MLLT10: variants seen among roughly 807,000 people sequenced by gnomAD.
The protein encoded by MLLT10 is protein AF-10.
In MLLT10, 30 loss-of-function variants were observed where a neutral mutation model predicts 129.1. The ratio of observed to expected loss-of-function variants is 0.23; its 90% CI spans 0.17 to 0.32. The LOEUF (loss-of-function observed/expected upper bound fraction) is 0.32. Among genes scored for constraint, MLLT10 ranks in the 10% least tolerant of loss-of-function variants. The pLI, the probability that MLLT10 is intolerant of heterozygous loss-of-function variation, is 1.00. For synonymous variants in MLLT10, 490 were observed against 446.4 expected (o/e 1.10, Z -1.23); for missense variants, 1,119 against 1,268.3 (o/e 0.88, Z 1.79).
In MLLT10 at chr10:21,742,323, G is replaced by A. The variant is rs1833784312; in HGVS notation, c.*340G>A. On this transcript the variant is annotated 3_prime_UTR_variant, in exon 23 of 23. Transcript: ENST00000307729. ...ACACAACTAGTTTTGTTTATAAATTGGAGATGCAAATAGCAAAACTAAATA... is the reference window on the plus strand; with the variant it reads ...ACACAACTAGTTTTGTTTATAAATTAGAGATGCAAATAGCAAAACTAAATA... The A allele has an allele frequency of 3.8e-6, 1 of 265,344 alleles. No homozygotes were observed. Among genetic ancestry groups the A allele is most frequent in the Admixed American group, 5.3e-5 (1 of 18,800 alleles). The allele number at this position is 265,344 out of a possible 1,614,324, so 16.4% of individuals were successfully genotyped here.
intron 14 of MLLT10, among the ~76,000 whole-genome samples, chr10:21,723,244 C>T (rs978911008): frequency 3.3e-5 from 5 of 151,856 alleles, no homozygotes; most frequent in Admixed American, 2.6e-4. Flanking sequence ...ATATATAGAT[C>T]TAATAGATAG....
In MLLT10 at chr10:21,742,288, T is replaced by C; in HGVS notation, c.*305T>C. 1 of 314,452 alleles carries C rather than the reference T, an allele frequency of 3.2e-6. No homozygotes were observed. The highest frequency in any genetic ancestry group is 5.8e-6 in the Non-Finnish European group (1 of 172,168). 19.5% of individuals were successfully genotyped at this position (314,452 alleles called of 1,614,324 possible). A position where few individuals can be genotyped will look rare whatever the true frequency, so the allele number is the denominator to read the frequency against. ...TATGTTTATCAACTCAAGAATTTAA[T>C]ATAGTTGGTACACAACTAGTTTTGT... is the stretch of plus-strand genomic sequence containing the variant. On this transcript the variant is annotated 3_prime_UTR_variant, in exon 23 of 23. Coordinates refer to ENST00000307729, the MANE Select transcript of MLLT10 (RefSeq NM_001195626.3).
At chr10:21,583,429 A>G (rs2041671242) in intron 3 of MLLT10, among the ~76,000 whole-genome samples, 1 of 152,134 alleles carries the variant, frequency 6.6e-6, no homozygotes, top group Admixed American at 6.6e-5. Flanking sequence ...GTAATAGGAA[A>G]ATCAGGAGAG....
intron 3 of MLLT10, among the ~76,000 whole-genome samples, chr10:21,568,141 T>C (rs2039804655): frequency 1.3e-5 from 2 of 152,092 alleles, no homozygotes; most frequent in African/African-American, 4.8e-5. Flanking sequence ...TTTTATTTGG[T>C]CAGTGCCCAT....
intron 5 of MLLT10, among the ~76,000 whole-genome samples, chr10:21,599,363 G>C (rs1293398566): frequency 6.6e-6 from 1 of 152,016 alleles, no homozygotes; most frequent in South Asian, 2.1e-4. Flanking sequence ...AGAACAAGCT[G>C]TGAGGTCACA....
chr10:21,692,412 C>G (rs2053955251), intron 13 of MLLT10, among the ~76,000 whole-genome samples: 1 of 152,018 alleles, frequency 6.6e-6, no homozygotes, highest in South Asian at 2.1e-4. Context: ...TCACGTGATC[C>G]TCCCGCCTCA....
rs540320367 is a variant in MLLT10 at position 21,554,079 on chromosome 10, G to A, written c.240+15167G>A. Among the ~76,000 whole-genome samples the A allele has an allele frequency of 1.2e-3, 189 of 152,268 alleles. 1 individual carries two copies. The highest frequency in any genetic ancestry group is 4.4e-3 in the African/African-American group (181 of 41,564). On this transcript the variant is annotated intron_variant, in intron 3 of 22. Coordinates refer to ENST00000307729, the MANE Select transcript of MLLT10 (RefSeq NM_001195626.3). ...TACTCATTGTACTAGGTACACAGTG[G>A]TCCTTTTGATTTGTTAGCTCCTGTT...
At chr10:21,605,067 T>C (rs1480984479) in intron 5 of MLLT10, among the ~76,000 whole-genome samples, 1 of 149,196 alleles carries the variant, frequency 6.7e-6, no homozygotes, top group Non-Finnish European at 1.5e-5. Context: ...CTAGGCAACA[T>C]AGTGAGACCC....
intron 10 of MLLT10, among the ~76,000 whole-genome samples, chr10:21,673,137 C>T (rs1226802532): frequency 6.6e-6 from 1 of 151,940 alleles, no homozygotes; most frequent in Admixed American, 6.6e-5. Context: ...CATTTAATAC[C>T]ATCTATAAAA....
intron 8 of MLLT10, among the ~76,000 whole-genome samples, chr10:21,649,542 C>G (rs999960510): frequency 6.6e-6 from 1 of 152,180 alleles, no homozygotes; most frequent in Non-Finnish European, 1.5e-5. Context: ...TGGTATCTGT[C>G]GGGTTTACTC....
intron 3 of MLLT10, among the ~76,000 whole-genome samples, chr10:21,554,016 C>T (rs1357925728): frequency 2.0e-5 from 3 of 152,106 alleles, no homozygotes; most frequent in Non-Finnish European, 4.4e-5. Flanking sequence ...TTCTCTTTAA[C>T]CTGGTTATTC....
At chr10:21,534,121 A>C, upstream of MLLT10, 32 of 273,024 alleles carry the variant, frequency 1.2e-4, no homozygotes, top group South Asian at 1.7e-4. Context: ...GGCGCGGGGG[A>C]GGGGGACGGG....
rs531136960 is a variant in MLLT10, at chr10:21,541,646, G to C, written c.240+2734G>C. Among the ~76,000 whole-genome samples the C allele has an allele frequency of 1.6e-4, 24 of 152,096 alleles. No individual in the cohort carries two copies. The South Asian group carries it at 4.6e-3, about 29-fold the overall frequency. On this transcript the variant is annotated intron_variant, in intron 3 of 22. Coordinates refer to ENST00000307729, the MANE Select transcript of MLLT10 (RefSeq NM_001195626.3). ...GGTGATCTGCCTGCTTTGGCCTCCCGAAGTACTGGGATTACAGGCGTGAGC... is the reference window on the plus strand; with the variant it reads ...GGTGATCTGCCTGCTTTGGCCTCCCCAAGTACTGGGATTACAGGCGTGAGC...
chr10:21,714,420 T>C (rs1458993359), intron 14 of MLLT10, among the ~76,000 whole-genome samples: 1 of 152,266 alleles, frequency 6.6e-6, no homozygotes, highest in African/African-American at 2.4e-5. Context: ...TTTTTCCTCC[T>C]AGTGGGAGAG....
At chr10:21,725,484 C>T (rs1355792780) in intron 14 of MLLT10, among the ~76,000 whole-genome samples, 6 of 152,090 alleles carry the variant, frequency 3.9e-5, no homozygotes, top group East Asian at 2.0e-4. Flanking sequence ...TTTGGGAGGC[C>T]GAGGCGGGTG....
At chr10:21,569,887 C>T (rs1343880198) in intron 3 of MLLT10, among the ~76,000 whole-genome samples, 1 of 151,970 alleles carries the variant, frequency 6.6e-6, no homozygotes, top group Non-Finnish European at 1.5e-5. Context: ...TGTGCCACTA[C>T]CTGTGGCTAA....
chr10:21,731,047 T>G lies in MLLT10; in HGVS notation c.2211T>G (p.Pro737=). The G allele has an allele frequency of 1.2e-6, 2 of 1,608,448 alleles. No homozygotes were observed. Among genetic ancestry groups the G allele is most frequent in the Non-Finnish European group, 1.7e-6 (2 of 1,177,890 alleles). ...GQQFLLEQGT[P]SDILGMLKSL... ...AATTTTTACTAGAACAGGGTACTCC[T>G]AGTGACAGTAAGTATTCATTTTCTT... The change falls in exon 17 of 23, where the codon CCT becomes CCG. Residue 737 remains proline (P), a synonymous_variant. Coordinates refer to ENST00000307729, the MANE Select transcript of MLLT10 (RefSeq NM_001195626.3).
intron 9 of MLLT10, among the ~76,000 whole-genome samples, chr10:21,665,909 G>T (rs1214357809): frequency 8.6e-5 from 13 of 151,988 alleles, no homozygotes; most frequent in Admixed American, 8.5e-4. Context: ...GTTTTACCAT[G>T]TTGGCCAGGC....
chr10:21,658,521 GT>G (rs777161908), intron 9 of MLLT10, among the ~76,000 whole-genome samples: 8 of 152,230 alleles, frequency 5.3e-5, no homozygotes, highest in African/African-American at 9.6e-5. Context: ...CATTCAGGTT[GT>G]TTTTAGTTTT....
Sources: allele counts gnomAD v4.1 joint callset (sites outside exome capture counted in the v4.1 genomes callset), GRCh38; gene constraint gnomAD v4.1.1; transcripts MANE v1.5; gene names NCBI Gene and HGNC (gene_info 2026-07-23, HGNC 2026-07-21).